TMEM126B: variants seen among roughly 807,000 people sequenced by gnomAD.
The protein encoded by TMEM126B is complex I assembly factor TMEM126B, mitochondrial.
In TMEM126B, 19 loss-of-function variants were observed where a neutral mutation model predicts 16.5. The ratio of observed to expected loss-of-function variants is 1.15; its 90% CI spans 0.80 to 1.69. TMEM126B has a LOEUF of 1.69. Among genes scored for constraint, TMEM126B ranks in the 40% most tolerant of loss-of-function variants. TMEM126B has a pLI of 0.00. For synonymous variants in TMEM126B, 104 were observed against 93.2 expected (o/e 1.12, Z -0.67); for missense variants, 293 against 278.7 (o/e 1.05, Z -0.37).
intron 2 of TMEM126B, among the ~76,000 whole-genome samples, chr11:85,632,874 C>T (rs2082329129): frequency 6.6e-6 from 1 of 151,900 alleles, no homozygotes; most frequent in East Asian, 1.9e-4. Flanking sequence ...CATATGTATA[C>T]ATGTGCCATG....
chr11:85,631,741 G>A lies in TMEM126B; in HGVS notation c.136G>A (p.Ala46Thr). The stretch of plus-strand genomic sequence containing the variant: ...TCAGCCCAGTCCTTCTCTAGAAGAT[G>A]CAAAACTCAGAAGACCAATGGTCAT... ...HGQPSPSLED[A>T]KLRRPMVIEI... The change falls in exon 2 of 5, where the codon GCA (alanine) becomes ACA (threonine). Residue 46 changes from alanine to threonine, a missense_variant. Coordinates refer to ENST00000358867, the MANE Select transcript of TMEM126B (RefSeq NM_018480.7). 1 of 1,613,402 alleles carries A rather than the reference G, an allele frequency of 6.2e-7. No homozygotes were observed. The highest frequency in any genetic ancestry group is 8.5e-7 in the Non-Finnish European group (1 of 1,179,746).
At position 85,628,622 on chromosome 11, in the gene TMEM126B, G is replaced by T. The variant is rs369963998; in HGVS notation, c.15G>T (p.Gly5=). Residue 5 remains glycine (G), a synonymous_variant, in exon 1 of 5, where the codon GGG becomes GGT. Transcript: ENST00000358867. The stretch of plus-strand genomic sequence containing the variant: ...GAGCCACCAAAATGGTGGTGTTCGG[G>T]TATGAGGCTGGGACTAAGCCAAGGG... MVVF[G]YEAGTKPRDS... is the part of the protein sequence containing the mutation. 1.3e-4 allele frequency: 197 copies of T among 1,536,138 alleles called. No individual in the cohort carries two copies. In the African/African-American group the frequency reaches 2.2e-3, roughly 17 times the overall value.
intron 1 of TMEM126B, among the ~76,000 whole-genome samples, chr11:85,629,825 G>GT (rs2082236355): frequency 6.6e-6 from 1 of 152,148 alleles, no homozygotes; most frequent in Non-Finnish European, 1.5e-5. Flanking sequence ...GGGAAAAGAT[G>GT]TAAGTCTAGT....
At chr11:85,631,140 T>G in intron 1 of TMEM126B, 1 of 1,281,274 alleles carries the variant, frequency 7.8e-7, no homozygotes, top group Non-Finnish European at 1.0e-6. Flanking sequence ...CTCCTACCTC[T>G]CTAGGAAATG....
chr11:85,636,109 A>G lies in TMEM126B; in HGVS notation c.573A>G (p.Gln191=). 1 of 1,612,946 alleles carries G rather than the reference A, an allele frequency of 6.2e-7. No individual in the cohort carries two copies. ...TAATCCATTGGATGACGCTTTGTCAAACACAAATGAAATTAATGGCGATTC... is the reference window on the plus strand; with the variant it reads ...TAATCCATTGGATGACGCTTTGTCAGACACAAATGAAATTAATGGCGATTC... ...RVLIHWMTLC[Q]TQMKLMAIPL... is the part of the protein sequence containing the mutation. The change falls in exon 5 of 5, where the codon CAA becomes CAG. Residue 191 remains glutamine (Q), a synonymous_variant. Transcript: ENST00000358867.
chr11:85,633,904 A>G (rs1283254417), intron 2 of TMEM126B, among the ~76,000 whole-genome samples, 182 bp from the exon 3 acceptor site: 1 of 152,154 alleles, frequency 6.6e-6, no homozygotes, highest in African/African-American at 2.4e-5. Context: ...GAGGGGTGGG[A>G]AATTTCTTTT....
intron 2 of TMEM126B, among the ~76,000 whole-genome samples, chr11:85,632,009 C>T (rs1334624385): frequency 2.6e-5 from 4 of 152,038 alleles, no homozygotes; most frequent in Non-Finnish European, 4.4e-5. Flanking sequence ...TGGAATATTT[C>T]GGATTGTGGA....
Position 85,636,025 on chromosome 11 carries a change from TTAAC to T in TMEM126B, c.510-19_510-16del. 6.5e-7 allele frequency: 1 copy of T among 1,542,882 alleles called. No individual in the cohort carries two copies. Among genetic ancestry groups the T allele is most frequent in the Non-Finnish European group, 8.6e-7 (1 of 1,156,226 alleles). ...TAGCATTCATATCCAGGAGAGGTGATTAACTCTTTTTTCTTTTTAGGTATCATAC... is the reference window on the plus strand; with the variant it reads ...TAGCATTCATATCCAGGAGAGGTGATTCTTTTTTCTTTTTAGGTATCATAC... On this transcript the variant is annotated splice_polypyrimidine_tract_variant and intron_variant, in intron 4 of 4. Coordinates refer to ENST00000358867, the MANE Select transcript of TMEM126B (RefSeq NM_018480.7).
rs375039927 is a variant in TMEM126B at position 85,635,709 on chromosome 11, T to C, written c.440T>C (p.Ile147Thr). The C allele has an allele frequency of 3.2e-5, 52 of 1,608,348 alleles. No individual in the cohort carries two copies. Among genetic ancestry groups the C allele is most frequent in the Middle Eastern group, 3.3e-4 (2 of 6,064 alleles). The change falls in exon 4 of 5, where the codon ATT becomes ACT. Residue 147 changes from isoleucine (I) to threonine (T), a missense_variant. Physicochemically the swap from Ile to Thr is moderately conservative, Grantham distance 89. Coordinates refer to ENST00000358867, the MANE Select transcript of TMEM126B (RefSeq NM_018480.7). ...AACTGTGTTTTCAGAAGCTCACTGATTGGCATAGTTTGTGGTGTTTTCTAT... is the reference window on the plus strand; with the variant it reads ...AACTGTGTTTTCAGAAGCTCACTGACTGGCATAGTTTGTGGTGTTTTCTAT... Reference protein sequence around the residue: ...KENCVFRSSLIGIVCGVFYPS... With the variant: ...KENCVFRSSLTGIVCGVFYPS...
intron 1 of TMEM126B, chr11:85,631,220 C>G: frequency 7.8e-7 from 1 of 1,289,890 alleles, no homozygotes; most frequent in Non-Finnish European, 1.0e-6. Flanking sequence ...TAAGCAGCCA[C>G]TGTTTCCACC....
intron 1 of TMEM126B, chr11:85,631,306 C>A: frequency 1.6e-6 from 2 of 1,248,286 alleles, no homozygotes; most frequent in Non-Finnish European, 2.1e-6. Flanking sequence ...AGGAAAACAG[C>A]AACAGTATCA....
chr11:85,628,816 GC>G, intron 1 of TMEM126B, 128 bp downstream of exon 1: 1 of 928,478 alleles, frequency 1.1e-6, no homozygotes, highest in Non-Finnish European at 1.6e-6. Context: ...CATGCAAGGA[GC>G]AGTCGATTAA....
At position 85,628,616 on chromosome 11, in the gene TMEM126B, G is replaced by T; in HGVS notation, c.9G>T (p.Val3=). The T allele has an allele frequency of 6.5e-7, 1 of 1,536,126 alleles. No homozygotes were observed. Among genetic ancestry groups the T allele is most frequent in the Non-Finnish European group, 8.7e-7 (1 of 1,146,888 alleles). MV[V]FGYEAGTKPR... is the part of the protein sequence containing the mutation. ...TCACATGAGCCACCAAAATGGTGGT[G>T]TTCGGGTATGAGGCTGGGACTAAGC... The change falls in exon 1 of 5, where the codon GTG becomes GTT. Residue 3 remains valine (V), a synonymous_variant. Coordinates refer to ENST00000358867, the MANE Select transcript of TMEM126B (RefSeq NM_018480.7).
chr11:85,632,434 G>A (rs932069866), intron 2 of TMEM126B, among the ~76,000 whole-genome samples: 1 of 152,192 alleles, frequency 6.6e-6, no homozygotes, highest in African/African-American at 2.4e-5. Context: ...AGTAGAGATG[G>A]TTTAACCATG....
intron 1 of TMEM126B, chr11:85,631,282 C>T (rs2082291884): frequency 2.4e-6 from 3 of 1,267,770 alleles, no homozygotes; most frequent in African/African-American, 1.5e-5. Context: ...ACTGCCTTCT[C>T]GGAATGAGGA....
At chr11:85,633,133 C>A (rs1476198290) in intron 2 of TMEM126B, among the ~76,000 whole-genome samples, 1 of 152,198 alleles carries the variant, frequency 6.6e-6, no homozygotes, top group East Asian at 1.9e-4. Context: ...GACATGAACT[C>A]ATCATTTTTT....
intron 2 of TMEM126B, among the ~76,000 whole-genome samples, chr11:85,632,735 A>T (rs2082325719): frequency 6.6e-6 from 1 of 152,156 alleles, no homozygotes; most frequent in Admixed American, 6.5e-5. Context: ...TGTAACCATC[A>T]CCACAATTAA....
chr11:85,631,860 G>A lies in TMEM126B; in HGVS notation c.203+52G>A, dbSNP rs779151075. 36 of 1,535,256 alleles carry A rather than the reference G, an allele frequency of 2.3e-5. No homozygotes were observed. In the Middle Eastern group the frequency reaches 5.4e-4, roughly 23 times the overall value. On this transcript the variant is annotated intron_variant, in intron 2 of 4. Transcript: ENST00000358867. ...CAGTCATTTTATTTGCAAGTCTTTT[G>A]TATTGCCATTGTTTCTAAGATCCTA...
intron 3 of TMEM126B, chr11:85,634,545 G>A: frequency 2.9e-6 from 1 of 342,708 alleles, no homozygotes; most frequent in Non-Finnish European, 5.4e-6. Context: ...AGAATTGGCT[G>A]TGGCATACAA....
Sources: gnomAD v4.1 joint callset for allele counts (sites outside exome capture counted in the v4.1 genomes callset) on GRCh38, gnomAD v4.1.1 for gene constraint, MANE v1.5 for transcripts, NCBI Gene and HGNC (gene_info 2026-07-23, HGNC 2026-07-21) for gene names.